R3HDM2: variants seen among roughly 807,000 people sequenced by gnomAD.
The protein encoded by R3HDM2 is R3H domain-containing protein 2.
In R3HDM2, 38 loss-of-function variants were observed where a neutral mutation model predicts 124.5. The observed-to-expected ratio is 0.31, with a 90% CI of 0.24 to 0.40. The LOEUF is 0.40. Among genes scored for constraint, R3HDM2 ranks in the 10% least tolerant of loss-of-function variants. The pLI is 1.00. For missense variants in R3HDM2, 869 were observed against 1,236.9 expected, an observed-to-expected ratio of 0.70 and a Z score of 4.46; for synonymous variants, 391 against 448.0, an observed-to-expected ratio of 0.87 and a Z score of 1.61.
intron 2 of R3HDM2, among the ~76,000 whole-genome samples, chr12:57,312,220 A>C (rs1181968566): frequency 5.9e-5 from 9 of 152,220 alleles, no homozygotes. Flanking sequence ...AAGGGTAAGA[A>C]GGGTAAGACC....
intron 2 of R3HDM2, among the ~76,000 whole-genome samples, chr12:57,382,541 C>CAAAAAA (rs1222419669): frequency 5.0e-5 from 2 of 40,140 alleles, no homozygotes; most frequent in African/African-American, 1.8e-4. Context: ...GCCCAGCCTA[C>CAAAAAA]AAAAAAAAAA....
chr12:57,378,529 C>T (rs2064391233), intron 2 of R3HDM2, among the ~76,000 whole-genome samples: 1 of 152,138 alleles, frequency 6.6e-6, no homozygotes, highest in African/African-American at 2.4e-5. Flanking sequence ...AGGCATATGC[C>T]ACCACGACTG....
At chr12:57,417,642 A>C (rs192066635) in intron 1 of R3HDM2, among the ~76,000 whole-genome samples, 1 of 152,172 alleles carries the variant, frequency 6.6e-6, no homozygotes, top group African/African-American at 2.4e-5. Context: ...CACTGTCAAA[A>C]TTTTTGCCAA....
intron 14 of R3HDM2, among the ~76,000 whole-genome samples, chr12:57,277,639 T>C (rs2045162188): frequency 6.6e-6 from 1 of 152,074 alleles, no homozygotes; most frequent in Non-Finnish European, 1.5e-5. Context: ...GTAGAGACGT[T>C]GTTTCACCAG....
At chr12:57,273,422 C>T (rs1449145372) in intron 14 of R3HDM2, among the ~76,000 whole-genome samples, 2 of 152,142 alleles carry the variant, frequency 1.3e-5, no homozygotes, top group East Asian at 1.9e-4. Flanking sequence ...CTCATCAGTT[C>T]TCCAGTCATA....
At chr12:57,393,791 CAAAGAG>C (rs2067084449) in intron 2 of R3HDM2, among the ~76,000 whole-genome samples, 1 of 152,096 alleles carries the variant, frequency 6.6e-6, no homozygotes, top group Non-Finnish European at 1.5e-5. Context: ...AAAACAAAGA[CAAAGAG>C]AATCTTGAAA....
chr12:57,369,799 A>C (rs1413667892), intron 2 of R3HDM2, among the ~76,000 whole-genome samples: 2 of 152,152 alleles, frequency 1.3e-5, no homozygotes. Context: ...CTGGAATTTA[A>C]AAATATATAT....
intron 7 of R3HDM2, 49 bp from the exon 8 acceptor site, chr12:57,297,436 TC>T: frequency 8.4e-7 from 1 of 1,194,362 alleles, no homozygotes; most frequent in Non-Finnish European, 1.2e-6. Context: ...AAAGCAGCCC[TC>T]CCATAGACAT....
At chr12:57,317,760 A>G (rs1238226981) in intron 2 of R3HDM2, among the ~76,000 whole-genome samples, 1 of 151,214 alleles carries the variant, frequency 6.6e-6, no homozygotes, top group Non-Finnish European at 1.5e-5. Context: ...GCGAATCATG[A>G]GGTCAGGAGT....
At chr12:57,367,099 A>G (rs983092227) in intron 2 of R3HDM2, among the ~76,000 whole-genome samples, 46 of 152,306 alleles carry the variant, frequency 3.0e-4, no homozygotes, top group South Asian at 4.1e-4. Context: ...CTAATTTGGT[A>G]TCACTACTGA....
chr12:57,288,803 A>G (rs2047974910), intron 12 of R3HDM2: 1 of 1,452,026 alleles, frequency 6.9e-7, no homozygotes, highest in Non-Finnish European at 9.4e-7. Flanking sequence ...AGATTACAGC[A>G]AAACAAAATA....
intron 14 of R3HDM2, among the ~76,000 whole-genome samples, chr12:57,279,269 G>A (rs1456286813): frequency 7.0e-6 from 1 of 143,122 alleles, no homozygotes; most frequent in Non-Finnish European, 1.5e-5. Flanking sequence ...CGCAACCTCC[G>A]CCTCATGGGT....
intron 2 of R3HDM2, among the ~76,000 whole-genome samples, chr12:57,392,998 GT>G (rs961440771): frequency 1.1e-4 from 16 of 151,820 alleles, no homozygotes; most frequent in African/African-American, 3.6e-4. Flanking sequence ...TAGAGACAGG[GT>G]TTCACCATGT....
chr12:57,403,384 T>C (rs1346568565), intron 1 of R3HDM2, among the ~76,000 whole-genome samples: 1 of 151,918 alleles, frequency 6.6e-6, no homozygotes, highest in African/African-American at 2.4e-5. Flanking sequence ...CCCAGCTACT[T>C]GGGAGGCTGA....
At chr12:57,293,648 C>T (rs980278922) in intron 10 of R3HDM2, among the ~76,000 whole-genome samples, 1 of 152,102 alleles carries the variant, frequency 6.6e-6, no homozygotes, top group African/African-American at 2.4e-5. Context: ...GCAAGGAGTT[C>T]TAAGGGAGAA....
In R3HDM2 at chr12:57,259,060, C is replaced by A; in HGVS notation, c.2132-1G>T. The A allele has an allele frequency of 6.2e-7, 1 of 1,608,044 alleles. No homozygotes were observed. The highest frequency in any genetic ancestry group is 8.5e-7 in the Non-Finnish European group (1 of 1,177,804). ...ACACCTGGTCCAGAAGGTGACACTC[C>A]TGAAGGGCAGGAAGAAAGCAGTTGG... On this transcript the variant is annotated splice_acceptor_variant, in intron 19 of 23. Transcript: ENST00000402412. LOFTEE classifies it high-confidence loss of function.
intron 1 of R3HDM2, among the ~76,000 whole-genome samples, chr12:57,414,482 C>A (rs2069350288): frequency 9.6e-6 from 1 of 103,990 alleles, no homozygotes; most frequent in African/African-American, 3.5e-5. Flanking sequence ...GAGAAAGACT[C>A]CATTAAAAAA....
At chr12:57,259,198 G>A in intron 19 of R3HDM2, 139 bp from the exon 20 acceptor site, 1 of 771,248 alleles carries the variant, frequency 1.3e-6, no homozygotes, top group Non-Finnish European at 2.0e-6. Context: ...AGGAACCTGA[G>A]ATGGCTGCTG....
chr12:57,258,310 TTTTATTTA>T (rs201590705), intron 20 of R3HDM2, among the ~76,000 whole-genome samples, 173 bp from the exon 21 acceptor site: 3,724 of 145,066 alleles, frequency 0.026, 60 homozygotes, highest in East Asian at 0.05. Context: ...ATTTATGCTA[TTTTATTTA>T]TTTATTTATT....
Sources: gnomAD v4.1 joint callset for allele counts (sites outside exome capture counted in the v4.1 genomes callset) on GRCh38, gnomAD v4.1.1 for gene constraint, MANE v1.5 for transcripts, NCBI Gene and HGNC (gene_info 2026-07-23, HGNC 2026-07-21) for gene names.